PDE4D: variants seen among roughly 807,000 people sequenced by gnomAD.
PDE4D encodes phosphodiesterase 4D, also known as 3',5'-cyclic-AMP phosphodiesterase 4D.
PDE4D carries 24 observed loss-of-function variants against 87.4 expected under a neutral mutation model. The ratio of observed to expected loss-of-function variants is 0.27; its 90% CI spans 0.20 to 0.39. The LOEUF (loss-of-function observed/expected upper bound fraction) is 0.39. Among genes scored for constraint, PDE4D ranks in the 10% least tolerant of loss-of-function variants. The pLI, the probability that PDE4D is intolerant of heterozygous loss-of-function variation, is 1.00. For missense variants in PDE4D, 714 were observed against 1,041.0 expected (o/e 0.69, Z 4.32); for synonymous variants, 384 against 383.2 (o/e 1.00, Z -0.02).
In PDE4D at chr5:59,568,847, A is replaced by C. The variant is rs573255003; in HGVS notation, c.455+324321T>G. ...CCTGAGTGGGGCCCTGGAATAGAAA[A>C]AAAGAACCTTAGGTAAAACTAAGGA... On this transcript the variant is annotated intron_variant, in intron 1 of 14. Coordinates refer to ENST00000340635, the MANE Select transcript of PDE4D (RefSeq NM_001104631.2). Among the ~76,000 whole-genome samples, 4 of 152,324 alleles carry C rather than the reference A, an allele frequency of 2.6e-5. No individual in the cohort carries two copies. The South Asian group carries it at 6.2e-4, about 24-fold the overall frequency.
chr5:59,144,464 T>C (rs1347886233), intron 5 of PDE4D, among the ~76,000 whole-genome samples: 1 of 152,170 alleles, frequency 6.6e-6, no homozygotes, highest in Non-Finnish European at 1.5e-5. Context: ...AGGGTAAACG[T>C]ATGTCTCCAG....
At chr5:59,370,905 T>C (rs1437706578) in intron 1 of PDE4D, among the ~76,000 whole-genome samples, 11 of 152,198 alleles carry the variant, frequency 7.2e-5, no homozygotes, top group African/African-American at 2.4e-5. Context: ...GAAGTATGAA[T>C]ATCCAAGGTG....
chr5:59,788,298 G>A (rs1190075851), intron 1 of PDE4D, among the ~76,000 whole-genome samples: 1 of 152,164 alleles, frequency 6.6e-6, no homozygotes, highest in East Asian at 1.9e-4. Context: ...TGACCTCTTT[G>A]GAGAGAGCTC....
At chr5:59,005,542 G>C (rs922101606) in intron 6 of PDE4D, among the ~76,000 whole-genome samples, 5 of 152,150 alleles carry the variant, frequency 3.3e-5, no homozygotes, top group African/African-American at 9.7e-5. Flanking sequence ...TCTGCAGAGA[G>C]AATCTAGATA....
chr5:58,985,692 C>T (rs1242048729), intron 11 of PDE4D, among the ~76,000 whole-genome samples: 2 of 152,178 alleles, frequency 1.3e-5, no homozygotes, highest in Admixed American at 1.3e-4. Context: ...AGCTCCAGCT[C>T]TGAGGCAAGA....
chr5:58,973,312 G>A lies in PDE4D; in HGVS notation c.*1352C>T, dbSNP rs1742945284. 1 of 152,162 alleles carries A rather than the reference G, an allele frequency of 6.6e-6. No homozygotes were observed. Among genetic ancestry groups the A allele is most frequent in the African/African-American group, 2.4e-5 (1 of 41,430 alleles). The allele number at this position is 152,162 out of a possible 1,614,324, so 9.4% of individuals were successfully genotyped here. ...CCTGTTTCTTTTCACCGGTGACAAT[G>A]GTAGTGATATATTTGACAAGACCTC... On this transcript the variant is annotated 3_prime_UTR_variant, in exon 15 of 15. Transcript: ENST00000340635.
In PDE4D at chr5:60,237,103, A is replaced by G. The variant is rs1746516213; in HGVS notation, c.-89-51416T>C. ...ACAGTGACAATACCAAATGCTTACA[A>G]AGATGGAGAGAACTGGATCTCTCAC... is the stretch of plus-strand genomic sequence containing the variant. On this transcript the variant is annotated intron_variant, in intron 1 of 16. Transcript: ENST00000502484. Among the ~76,000 whole-genome samples the G allele has an allele frequency of 2.0e-5, 3 of 152,030 alleles. No homozygotes were observed. The South Asian group carries it at 6.2e-4, about 32-fold the overall frequency.
intron 2 of PDE4D, among the ~76,000 whole-genome samples, chr5:60,036,630 A>G (rs1045427000): frequency 1.3e-5 from 2 of 152,204 alleles, no homozygotes; most frequent in East Asian, 3.8e-4. Context: ...AATTATGGGG[A>G]AAAAAATTAA....
intron 5 of PDE4D, among the ~76,000 whole-genome samples, chr5:59,062,248 G>T (rs1303149391): frequency 6.6e-6 from 1 of 151,998 alleles, no homozygotes; most frequent in Non-Finnish European, 1.5e-5. Context: ...TAATTAAGGG[G>T]AATCTCTATT....
intron 1 of PDE4D, among the ~76,000 whole-genome samples, chr5:59,574,167 T>C (rs1822720161): frequency 1.7e-5 from 2 of 120,452 alleles, no homozygotes; most frequent in Non-Finnish European, 3.3e-5. Context: ...TATATATATA[T>C]ATATAAATAT....
chr5:60,001,028 T>A (rs1368264041), intron 2 of PDE4D, among the ~76,000 whole-genome samples: 1 of 152,148 alleles, frequency 6.6e-6, no homozygotes, highest in Non-Finnish European at 1.5e-5. Context: ...TCCCCAGAGA[T>A]GTATGCCCAT....
intron 1 of PDE4D, among the ~76,000 whole-genome samples, chr5:59,239,164 T>C (rs1757122284): frequency 6.6e-6 from 1 of 152,244 alleles, no homozygotes; most frequent in Non-Finnish European, 1.5e-5. Context: ...TAACTATTGG[T>C]GCTGTACTGC....
chr5:60,401,871 T>C (rs1241889046), intron 1 of PDE4D, among the ~76,000 whole-genome samples: 1 of 152,252 alleles, frequency 6.6e-6, no homozygotes, highest in Non-Finnish European at 1.5e-5. Context: ...TCTTCTTCCC[T>C]GCTGCATCTT....
chr5:59,813,075 A>C (rs2963821), intron 1 of PDE4D, among the ~76,000 whole-genome samples: 75,207 of 152,032 alleles, frequency 0.49, 19,149 homozygotes, highest in African/African-American at 0.55. Flanking sequence ...AGTACTTAAT[A>C]TCCTATGCAG....
At chr5:59,821,803 A>G (rs994050083) in intron 1 of PDE4D, among the ~76,000 whole-genome samples, 1 of 152,196 alleles carries the variant, frequency 6.6e-6, no homozygotes, top group African/African-American at 2.4e-5. Context: ...CACTGTGGCC[A>G]ATTTCAATAT....
chr5:60,401,216 G>A (rs1360082474), intron 1 of PDE4D, among the ~76,000 whole-genome samples: 1 of 152,140 alleles, frequency 6.6e-6, no homozygotes, highest in East Asian at 1.9e-4. Context: ...TTCAAGGAGT[G>A]GTTCCAACAA....
chr5:60,209,407 C>T (rs1293151766), intron 1 of PDE4D, among the ~76,000 whole-genome samples: 1 of 152,042 alleles, frequency 6.6e-6, no homozygotes, highest in Non-Finnish European at 1.5e-5. Context: ...TTTGGAAAAG[C>T]TTCCTGTTGG....
intron 1 of PDE4D, among the ~76,000 whole-genome samples, chr5:59,699,105 T>G (rs1350202356): frequency 6.6e-6 from 1 of 152,188 alleles, no homozygotes; most frequent in Admixed American, 6.6e-5. Context: ...TTCTTAACCT[T>G]TTCATTTCTA....
At chr5:59,680,711 G>A (rs575912901) in intron 1 of PDE4D, among the ~76,000 whole-genome samples, 23 of 152,142 alleles carry the variant, frequency 1.5e-4, no homozygotes, top group African/African-American at 2.9e-4. Flanking sequence ...CCATAGAGGC[G>A]TGAGTGGGTA....
Sources: gnomAD v4.1 joint callset for allele counts (sites outside exome capture counted in the v4.1 genomes callset) on GRCh38, gnomAD v4.1.1 for gene constraint, MANE v1.5 for transcripts, NCBI Gene and HGNC (gene_info 2026-07-23, HGNC 2026-07-21) for gene names.